Variants in FOXJ2 observed in about 807,000 individuals in gnomAD.
FOXJ2 encodes the protein forkhead box J2.
Under a neutral mutation model 68.4 loss-of-function variants are expected in FOXJ2, and 18 were observed. The observed-to-expected ratio is 0.26, with a 90% CI of 0.18 to 0.39. The LOEUF (loss-of-function observed/expected upper bound fraction) is 0.39. Ranked by LOEUF, FOXJ2 falls within the 10% of genes least tolerant of loss-of-function variation. FOXJ2 has a pLI of 1.00. For missense variants in FOXJ2, 670 were observed against 726.5 expected (o/e 0.92, Z 0.89); for synonymous variants, 274 against 263.2 (o/e 1.04, Z -0.40).
chr12:8,047,240 G>C (rs978347962), intron 6 of FOXJ2, among the ~76,000 whole-genome samples: 1 of 152,084 alleles, frequency 6.6e-6, no homozygotes, highest in Admixed American at 6.6e-5. Context: ...ATCACCTGAA[G>C]TCAGGAGCTC....
intron 1 of FOXJ2, among the ~76,000 whole-genome samples, chr12:8,036,826 C>A (rs912679915): frequency 6.6e-6 from 1 of 152,146 alleles, no homozygotes; most frequent in Non-Finnish European, 1.5e-5. Context: ...TGGTGTTTCA[C>A]ACCTGTAATC....
chr12:8,043,217 C>CA (rs11423157), intron 3 of FOXJ2, among the ~76,000 whole-genome samples: 4,871 of 57,834 alleles, frequency 0.084, 502 homozygotes, highest in African/African-American at 0.22. Flanking sequence ...AACTCCATCT[C>CA]AAAAAAAAAA....
chr12:8,050,456 C>T lies in FOXJ2; in HGVS notation c.1538-66C>T, dbSNP rs561094226. 3.3e-5 allele frequency: 51 copies of T among 1,562,666 alleles called. No homozygotes were observed. The Admixed American group carries it at 8.2e-4, about 25-fold the overall frequency. The stretch of plus-strand genomic sequence containing the variant: ...GGGAGCAAGGGTATATTTTTTTCTT[C>T]CCTGCTTTGTTGAGTACAGTGACCC... On this transcript the variant is annotated intron_variant, in intron 9 of 10. Transcript: ENST00000162391.
At chr12:8,045,941 G>A (rs1490958631) in intron 6 of FOXJ2, among the ~76,000 whole-genome samples, 1 of 152,252 alleles carries the variant, frequency 6.6e-6, no homozygotes, top group African/African-American at 2.4e-5. Flanking sequence ...TTACAGGCGT[G>A]AGCCACTGTG....
chr12:8,034,182 G>C (rs1332631516), intron 1 of FOXJ2, among the ~76,000 whole-genome samples: 1 of 152,186 alleles, frequency 6.6e-6, no homozygotes. Flanking sequence ...CCAGTGGTAA[G>C]ATTCCCATAC....
intron 6 of FOXJ2, among the ~76,000 whole-genome samples, chr12:8,047,112 A>G (rs952078797): frequency 1.7e-4 from 26 of 152,040 alleles, no homozygotes; most frequent in African/African-American, 6.3e-4. Context: ...CCCAAGCTAC[A>G]TTTGTTTATA....
chr12:8,037,510 G>A (rs1946913302), intron 1 of FOXJ2, among the ~76,000 whole-genome samples: 5 of 152,198 alleles, frequency 3.3e-5, no homozygotes, highest in Admixed American at 2.6e-4. Context: ...ACTGTGATTG[G>A]CATGTGCCAA....
In FOXJ2 at chr12:8,055,463, T is replaced by G. The variant is rs1429217875; in HGVS notation, c.*2613T>G. On this transcript the variant is annotated 3_prime_UTR_variant, in exon 11 of 11. Coordinates refer to ENST00000162391, the MANE Select transcript of FOXJ2 (RefSeq NM_018416.3). ...TATATGGTCTCACAAGTTGTTGTCA[T>G]TGTTTTTTTGCATGCTTTCTTAATA... 1 of 152,596 alleles carries G rather than the reference T, an allele frequency of 6.6e-6. No homozygotes were observed. Among genetic ancestry groups the G allele is most frequent in the Non-Finnish European group, 1.5e-5 (1 of 68,040 alleles). The allele number at this position is 152,596 out of a possible 1,614,324, so 9.5% of individuals were successfully genotyped here.
At chr12:8,039,289 T>G (rs186703654) in intron 1 of FOXJ2, among the ~76,000 whole-genome samples, 24 of 152,274 alleles carry the variant, frequency 1.6e-4, no homozygotes, top group Admixed American at 1.6e-3. Flanking sequence ...GTGCTCGTAA[T>G]GCATCTAGTA....
intron 10 of FOXJ2, 87 bp from the exon 11 acceptor site, chr12:8,052,675 T>G: frequency 8.7e-7 from 1 of 1,148,844 alleles, no homozygotes; most frequent in Admixed American, 2.0e-5. Flanking sequence ...CTTCGTGGTG[T>G]TATCTGGGGC....
In FOXJ2 at chr12:8,038,836, G is replaced by A. The variant is rs746129157; in HGVS notation, c.-14-983G>A. The stretch of plus-strand genomic sequence containing the variant: ...GAGTTTGCATGGAGGTGCAGCGAGC[G>A]TGCCTGCCTGGCTGGGAAGGAAGGA... On this transcript the variant is annotated intron_variant, in intron 1 of 10. Transcript: ENST00000162391. This position sits in a 1 kb window ranked among gnomAD's most constrained non-coding sequence, Gnocchi z 5.3. 3.3e-5 allele frequency among the ~76,000 whole-genome samples: 5 copies of A among 152,214 alleles called. No homozygotes were observed. Among genetic ancestry groups the A allele is most frequent in the South Asian group, 2.1e-4 (1 of 4,836 alleles).
intron 7 of FOXJ2, 91 bp downstream of exon 7, chr12:8,048,380 T>C: frequency 6.7e-7 from 1 of 1,493,178 alleles, no homozygotes; most frequent in Admixed American, 2.3e-5. Flanking sequence ...GTTAGGAAGT[T>C]AATGATGGGT....
At position 8,045,074 on chromosome 12, in the gene FOXJ2, C is replaced by T. The variant is rs1366045737; in HGVS notation, c.817+116C>T. On this transcript the variant is annotated intron_variant, in intron 6 of 10. Coordinates refer to ENST00000162391, the MANE Select transcript of FOXJ2 (RefSeq NM_018416.3). ...TTTTATTTTTTGTGAGACAGGGTCT[C>T]ACTCTTTCGTCCAAGCTGGAGTGCA... 6 of 1,071,242 alleles carry T rather than the reference C, an allele frequency of 5.6e-6. No homozygotes were observed. The African/African-American group carries it at 6.4e-5, about 11-fold the overall frequency. The allele number at this position is 1,071,242 out of a possible 1,614,324, so 66.4% of individuals were successfully genotyped here.
chr12:8,048,227 A>AGCAGCCACCACCTCC lies in FOXJ2; in HGVS notation c.1164_1178dup (p.Pro391_Pro395dup), dbSNP rs1565630467. The AGCAGCCACCACCTCC allele has an allele frequency of 6.2e-7, 1 of 1,606,108 alleles. No homozygotes were observed. ...CACCATCCCCACTCCCACCCTGCCC[A>AGCAGCCACCACCTCC]GCAGCCACCACCTCCACAGCCACAG... On this transcript the variant is annotated inframe_insertion, in exon 7 of 11. Coordinates refer to ENST00000162391, the MANE Select transcript of FOXJ2 (RefSeq NM_018416.3).
Position 8,048,121 on chromosome 12 carries a change from G to A in FOXJ2, c.1057G>A (p.Gly353Arg), listed in dbSNP as rs768665095. The A allele has an allele frequency of 1.2e-6, 2 of 1,613,164 alleles. No homozygotes were observed. Among genetic ancestry groups the A allele is most frequent in the Non-Finnish European group, 1.7e-6 (2 of 1,179,468 alleles). The part of the protein sequence containing the change: ...GCTPPGGKQA[G>R]AEGYGPPPVM... ...TACCCCACCAGGGGGAAAGCAAGCTGGGGCGGAAGGCTATGGGCCTCCCCC... is the reference window on the plus strand; with the variant it reads ...TACCCCACCAGGGGGAAAGCAAGCTAGGGCGGAAGGCTATGGGCCTCCCCC... Residue 353 changes from glycine (G) to arginine (R), a missense_variant, in exon 7 of 11, where the codon GGG becomes AGG. Around this residue, in one of 2 missense-constraint regions of FOXJ2, gnomAD observed 555 missense variants for 562.2 expected, o/e 0.99. Coordinates refer to ENST00000162391, the MANE Select transcript of FOXJ2 (RefSeq NM_018416.3).
In FOXJ2 at chr12:8,049,485, G is replaced by T. The variant is rs1482057162; in HGVS notation, c.1451G>T (p.Gly484Val). The change falls in exon 9 of 11, where the codon GGG becomes GTG. Residue 484 changes from glycine to valine, a missense_variant. Transcript: ENST00000162391. Reference protein sequence around the residue: ...LTQTGHVPPQGGTHRPPAPAR... With the variant: ...LTQTGHVPPQVGTHRPPAPAR... ...CAGACTGGTCACGTGCCCCCTCAAGGGGGTACCCACCGCCCACCAGCCCCT... is the reference window on the plus strand; with the variant it reads ...CAGACTGGTCACGTGCCCCCTCAAGTGGGTACCCACCGCCCACCAGCCCCT... 1 of 1,614,098 alleles carries T rather than the reference G, an allele frequency of 6.2e-7. No individual in the cohort carries two copies. The highest frequency in any genetic ancestry group is 8.5e-7 in the Non-Finnish European group (1 of 1,180,010).
At chr12:8,036,262 G>A (rs144224964) in intron 1 of FOXJ2, among the ~76,000 whole-genome samples, 5 of 152,190 alleles carry the variant, frequency 3.3e-5, no homozygotes, top group Admixed American at 2.6e-4. Flanking sequence ...CTTATTACCT[G>A]ACATTGGCAT....
intron 10 of FOXJ2, among the ~76,000 whole-genome samples, 193 bp downstream of exon 10, chr12:8,050,813 GTCCCC>G (rs1312110150): frequency 1.3e-5 from 2 of 148,636 alleles, no homozygotes; most frequent in Non-Finnish European, 3.0e-5. Flanking sequence ...CGAAGACAGT[GTCCCC>G]TCCCCTCCCT....
chr12:8,041,023 C>G (rs1020916452), intron 2 of FOXJ2, among the ~76,000 whole-genome samples: 2 of 152,164 alleles, frequency 1.3e-5, no homozygotes, highest in Non-Finnish European at 2.9e-5. Context: ...GGGCTCCTCT[C>G]CTAAGCAAAG....
Sources: allele counts gnomAD v4.1 joint callset (sites outside exome capture counted in the v4.1 genomes callset), GRCh38; gene constraint gnomAD v4.1.1; regional missense constraint gnomAD v4.1.1; non-coding constraint Gnocchi (gnomAD v3.1); transcripts MANE v1.5; gene names NCBI Gene and HGNC (gene_info 2026-07-23, HGNC 2026-07-21).